The following SCN11A variants were observed in gnomAD, a reference collection of about 807,000 sequenced individuals.
SCN11A encodes sodium channel protein type 11 subunit alpha.
A neutral mutation model predicts 162.2 loss-of-function variants in SCN11A; 122 were observed. That is an observed-to-expected ratio of 0.75 (90% CI 0.65 to 0.87). The LOEUF is 0.87. SCN11A is among the 40% of genes least tolerant of loss of function. The pLI is 0.00. For synonymous variants in SCN11A, 758 were observed against 751.5 expected, an observed-to-expected ratio of 1.01 and a Z score of -0.14; for missense variants, 2,015 against 2,181.6, an observed-to-expected ratio of 0.92 and a Z score of 1.52.
intron 27 of SCN11A, among the ~76,000 whole-genome samples, chr3:38,866,937 T>C (rs1040898135): frequency 2.0e-5 from 3 of 152,186 alleles, no homozygotes; most frequent in Non-Finnish European, 4.4e-5. Context: ...GAGAGTATAT[T>C]AGTTTTATAG....
intron 14 of SCN11A, among the ~76,000 whole-genome samples, chr3:38,907,346 A>G (rs867548034): frequency 2.5e-3 from 120 of 47,794 alleles, no homozygotes; most frequent in African/African-American, 5.4e-3. Context: ...GTGTGTGTAT[A>G]TATCTATATA....
chr3:38,868,671 G>C (rs2065078811), intron 26 of SCN11A, among the ~76,000 whole-genome samples: 1 of 152,194 alleles, frequency 6.6e-6, no homozygotes, highest in African/African-American at 2.4e-5. Context: ...TGCAAGATGT[G>C]TGTCCTGATT....
chr3:38,974,709 A>AAAAAAAAG (rs1553647127), intron 2 of SCN11A, among the ~76,000 whole-genome samples: 4 of 130,374 alleles, frequency 3.1e-5, no homozygotes, highest in Admixed American at 8.5e-5. Context: ...AAAAAAAAAA[A>AAAAAAAAG]AAAAGAAAAG....
At chr3:38,997,809 G>T (rs770615593) in intron 2 of SCN11A, among the ~76,000 whole-genome samples, 11 of 152,106 alleles carry the variant, frequency 7.2e-5, no homozygotes, top group Non-Finnish European at 1.2e-4. Flanking sequence ...TAGACAATGG[G>T]GCTTTCCCCA....
chr3:38,988,650 A>G (rs2030346066), intron 2 of SCN11A, among the ~76,000 whole-genome samples: 1 of 152,202 alleles, frequency 6.6e-6, no homozygotes. Flanking sequence ...CCCTCCCCTC[A>G]TAACAACTCC....
chr3:39,015,193 A>T (rs768142519), intron 2 of SCN11A, among the ~76,000 whole-genome samples: 2 of 152,238 alleles, frequency 1.3e-5, no homozygotes, highest in Admixed American at 6.5e-5. Context: ...AAAAGGGCAA[A>T]TTTAGCCTCT....
At position 39,020,499 on chromosome 3, in the gene SCN11A, T is replaced by A. The variant is rs377511207; in HGVS notation, c.-280+11881A>T. ...TCCAGCAGTGTTTGAGATTTGAAAC[T>A]CTCAGAGATAATTCTCAATCAGTGA... On this transcript the variant is annotated intron_variant, in intron 2 of 29. Transcript: ENST00000302328. Among the ~76,000 whole-genome samples, 110 of 152,258 alleles carry A rather than the reference T, an allele frequency of 7.2e-4. 2 individuals carry two copies. Among genetic ancestry groups the A allele is most frequent in the African/African-American group, 2.6e-3 (109 of 41,534 alleles).
At chr3:38,868,817 G>A (rs1336921814) in intron 26 of SCN11A, among the ~76,000 whole-genome samples, 1 of 152,162 alleles carries the variant, frequency 6.6e-6, no homozygotes, top group Non-Finnish European at 1.5e-5. Flanking sequence ...GATATATCAG[G>A]AAGGCAGGCT....
intron 12 of SCN11A, 59 bp downstream of exon 12, chr3:38,910,007 G>A: frequency 6.6e-7 from 1 of 1,518,114 alleles, no homozygotes. Flanking sequence ...AGTGATAGAG[G>A]GGGAAGGAAA....
At chr3:38,880,469 C>A (rs2065290630) in intron 22 of SCN11A, among the ~76,000 whole-genome samples, 2 of 152,194 alleles carry the variant, frequency 1.3e-5, no homozygotes, top group African/African-American at 4.8e-5. Context: ...GCCAACATTC[C>A]CAGGACCACC....
chr3:38,851,942 A>G (rs2064787714), intron 28 of SCN11A, among the ~76,000 whole-genome samples: 1 of 152,182 alleles, frequency 6.6e-6, no homozygotes, highest in African/African-American at 2.4e-5. Context: ...TTTCCGGTTG[A>G]TAAAACCATC....
chr3:38,970,579 A>T (rs1467537597), intron 2 of SCN11A, among the ~76,000 whole-genome samples: 1 of 152,180 alleles, frequency 6.6e-6, no homozygotes, highest in Non-Finnish European at 1.5e-5. Flanking sequence ...ACTATTCAAG[A>T]GGCCTTGAGG....
Position 38,910,077 on chromosome 3 carries a change from G to A in SCN11A, c.1090C>T (p.Leu364Phe), listed in dbSNP as rs2125538109. The A allele has an allele frequency of 6.2e-7, 1 of 1,613,802 alleles. No homozygotes were observed. The highest frequency in any genetic ancestry group is 8.5e-7 in the Non-Finnish European group (1 of 1,179,874). Reference protein sequence around the residue: ...RLMTQDSWEKLYQQTLRTTGL... With the variant: ...RLMTQDSWEKFYQQTLRTTGL... ...TATAAATAGATAACCTGTTGATAAA[G>A]CTTCTCCCAGGAATCTTGGGTCATC... Residue 364 changes from leucine to phenylalanine, a missense_variant, in exon 12 of 30, where the codon CTT (leucine) becomes TTT (phenylalanine). Physicochemically the swap from Leu to Phe is conservative, Grantham distance 22. Transcript: ENST00000302328.
chr3:38,939,828 G>A (rs893129412), intron 7 of SCN11A, among the ~76,000 whole-genome samples: 8 of 151,928 alleles, frequency 5.3e-5, no homozygotes, highest in African/African-American at 1.4e-4. Flanking sequence ...GCTTGAACCC[G>A]GGAGGAGGAG....
At chr3:38,914,748 T>C (rs75974367) in intron 11 of SCN11A, among the ~76,000 whole-genome samples, 2,424 of 152,236 alleles carry the variant, frequency 0.016, 66 homozygotes, top group African/African-American at 0.056. Context: ...AATATTCATG[T>C]GTTTTTTTAC....
chr3:38,873,240 A>G (rs770665813), intron 23 of SCN11A, among the ~76,000 whole-genome samples: 1 of 152,136 alleles, frequency 6.6e-6, no homozygotes, highest in Non-Finnish European at 1.5e-5. Flanking sequence ...ATCTTCAGCC[A>G]TTCTTATTAT....
At chr3:39,038,825 C>T (rs2125615205) in intron 1 of SCN11A, among the ~76,000 whole-genome samples, 1 of 152,128 alleles carries the variant, frequency 6.6e-6, no homozygotes, top group East Asian at 1.9e-4. Flanking sequence ...AGTGAAAACA[C>T]ATAAAAGAAT....
At chr3:38,933,203 C>T (rs896388029) in intron 7 of SCN11A, among the ~76,000 whole-genome samples, 1 of 152,030 alleles carries the variant, frequency 6.6e-6, no homozygotes, top group African/African-American at 2.4e-5. Flanking sequence ...GAAAGGACAC[C>T]CACACCAAAA....
chr3:38,932,889 C>A (rs529769025), intron 7 of SCN11A, among the ~76,000 whole-genome samples: 4 of 152,220 alleles, frequency 2.6e-5, no homozygotes, highest in Non-Finnish European at 4.4e-5. Flanking sequence ...CAGCACCCAG[C>A]TGGAGATCTG....
Sources: gnomAD v4.1 joint callset for allele counts (sites outside exome capture counted in the v4.1 genomes callset) on GRCh38, gnomAD v4.1.1 for gene constraint, MANE v1.5 for transcripts, NCBI Gene and HGNC (gene_info 2026-07-23, HGNC 2026-07-21) for gene names.